The following MICAL2 variants were observed in gnomAD, a reference collection of about 807,000 sequenced individuals.
The protein encoded by MICAL2 is microtubule associated monooxygenase, calponin and LIM domain containing 2.
A neutral mutation model predicts 127.3 loss-of-function variants in MICAL2; 77 were observed. That is an observed-to-expected ratio of 0.60 (90% confidence interval 0.50 to 0.73). The LOEUF (loss-of-function observed/expected upper bound fraction) is 0.73. MICAL2 is among the 30% of genes least tolerant of loss of function. The probability of loss-of-function intolerance (pLI) is 0.00; values close to 1 mark genes in which losing one functional copy is unlikely to be tolerated. For missense variants in MICAL2, 1,351 were observed against 1,434.4 expected, an observed-to-expected ratio of 0.94 and a Z score of 0.94; for synonymous variants, 570 against 551.1, an observed-to-expected ratio of 1.03 and a Z score of -0.48.
At chr11:12,293,998 C>T (rs754429556), downstream of MICAL2, 2 of 1,614,170 alleles carry the variant, frequency 1.2e-6, no homozygotes, top group African/African-American at 2.7e-5. Flanking sequence ...AGCAGAAGAC[C>T]ATGTTGTTGG....
At chr11:12,205,000 G>C (rs950936162) in intron 4 of MICAL2, among the ~76,000 whole-genome samples, 6 of 152,160 alleles carry the variant, frequency 3.9e-5, no homozygotes, top group African/African-American at 1.4e-4. Flanking sequence ...GCAGGTTTTA[G>C]AGCAGAGGAA....
chr11:12,352,179 T>C (rs1488988457), intron 33 of MICAL2, among the ~76,000 whole-genome samples: 2 of 152,218 alleles, frequency 1.3e-5, no homozygotes, highest in African/African-American at 4.8e-5. Context: ...CCTTTTTATA[T>C]AGCTACTGTG....
intron 30 of MICAL2, among the ~76,000 whole-genome samples, chr11:12,320,241 A>G (rs1864277945): frequency 6.6e-6 from 1 of 152,206 alleles, no homozygotes; most frequent in South Asian, 2.1e-4. Context: ...GAAATGAACC[A>G]TGCAGTTGCA....
At position 12,216,270 on chromosome 11, in the gene MICAL2, T is replaced by C; in HGVS notation, c.899T>C (p.Val300Ala). Residue 300 changes from valine (V) to alanine (A), a missense_variant, in exon 8 of 28, where the codon GTA becomes GCA. Transcript: ENST00000683283. ...TACAAGGACTGCACCCACTATTTTG[T>C]AATGACAGCCAAGAAGCAGAGCCTG... ...VYYKDCTHYF[V>A]MTAKKQSLLD... is the part of the protein sequence containing the mutation. The C allele has an allele frequency of 6.2e-7, 1 of 1,614,084 alleles. No homozygotes were observed. The highest frequency in any genetic ancestry group is 1.1e-5 in the South Asian group (1 of 91,080).
chr11:12,301,091 T>C (rs1211285223), intron 29 of MICAL2, among the ~76,000 whole-genome samples: 2 of 151,844 alleles, frequency 1.3e-5, no homozygotes, highest in African/African-American at 4.8e-5. Context: ...CAAGAGAAAA[T>C]GAGGAAGATG....
chr11:12,207,987 T>A, intron 4 of MICAL2, 36 bp from the exon 5 acceptor site: 1 of 1,508,156 alleles, frequency 6.6e-7, no homozygotes. Context: ...GTTCAGGTAT[T>A]GCTGTGACAG....
At chr11:12,282,888 C>CA (rs879682458) in intron 2 of MICAL2, among the ~76,000 whole-genome samples, 53 of 152,146 alleles carry the variant, frequency 3.5e-4, no homozygotes, top group South Asian at 2.7e-3. Flanking sequence ...GAGGGCATGA[C>CA]AAAAAAACAT....
At chr11:12,209,654 A>G in intron 6 of MICAL2, 56 bp downstream of exon 6, 2 of 1,476,580 alleles carry the variant, frequency 1.4e-6, no homozygotes, top group African/African-American at 1.4e-5. Flanking sequence ...GAGAGGGTAC[A>G]TTGGGGAAGA....
intron 4 of MICAL2, 106 bp from the exon 5 acceptor site, chr11:12,207,917 C>T: frequency 1.2e-6 from 1 of 836,850 alleles, no homozygotes; most frequent in South Asian, 1.5e-5. Flanking sequence ...TGTTGGTATA[C>T]TGCTGTGCTC....
intron 32 of MICAL2, among the ~76,000 whole-genome samples, chr11:12,344,182 G>A (rs1447163058): frequency 6.6e-6 from 1 of 152,014 alleles, no homozygotes. Flanking sequence ...TCTAATCCCA[G>A]CTACTCAGGA....
Position 12,129,874 on chromosome 11 carries a change from A to T in MICAL2, c.-148-8516A>T, listed in dbSNP as rs565578152. 3.3e-5 allele frequency among the ~76,000 whole-genome samples: 5 copies of T among 150,944 alleles called. No homozygotes were observed. In the East Asian group the frequency reaches 9.7e-4, roughly 29 times the overall value. ...AGGTGCACGCCACCATGCCTGGCTA[A>T]TTTTTTCTTTTGTTTTTAGTTGAGA... On this transcript the variant is annotated intron_variant, in intron 1 of 27. Coordinates refer to ENST00000683283, the MANE Select transcript of MICAL2 (RefSeq NM_001282663.2).
intron 3 of MICAL2, among the ~76,000 whole-genome samples, chr11:12,195,429 T>TA (rs1859768003): frequency 6.6e-6 from 1 of 152,192 alleles, no homozygotes; most frequent in African/African-American, 2.4e-5. Context: ...TGTGAATAGA[T>TA]ACATGCTAAA....
intron 32 of MICAL2, among the ~76,000 whole-genome samples, chr11:12,336,461 T>A (rs1938762692): frequency 6.6e-6 from 1 of 152,214 alleles, no homozygotes; most frequent in African/African-American, 2.4e-5. Flanking sequence ...TCCTGCCTGA[T>A]TGCCCTGACC....
intron 2 of MICAL2, among the ~76,000 whole-genome samples, chr11:12,155,436 AT>A (rs1342072933): frequency 6.6e-6 from 1 of 152,198 alleles, no homozygotes; most frequent in Non-Finnish European, 1.5e-5. Flanking sequence ...AAACATGCAT[AT>A]ATACACACAT....
chr11:12,361,056 G>C (rs945657986), downstream of MICAL2, among the ~76,000 whole-genome samples: 4 of 152,164 alleles, frequency 2.6e-5, no homozygotes, highest in Non-Finnish European at 4.4e-5. Context: ...AAAACACACA[G>C]AGTCTGCAGT....
At chr11:12,136,120 G>A (rs973637595) in intron 1 of MICAL2, among the ~76,000 whole-genome samples, 1 of 152,044 alleles carries the variant, frequency 6.6e-6, no homozygotes, top group Non-Finnish European at 1.5e-5. Flanking sequence ...AATCTCACAG[G>A]AAACCTTCCC....
Position 12,220,205 on chromosome 11 carries a change from A to G in MICAL2, c.953A>G (p.Tyr318Cys), listed in dbSNP as rs753385543. 5 of 1,614,148 alleles carry G rather than the reference A, an allele frequency of 3.1e-6. No homozygotes were observed. The highest frequency in any genetic ancestry group is 3.4e-6 in the Non-Finnish European group (4 of 1,180,014). ...CCATGTTTTCATCTTCCCCAGGACT[A>G]CATCGACACAGAGATGCTGCTGTGT... ...LLDKGVIIND[Y>C]IDTEMLLCAE... Residue 318 changes from tyrosine (Y) to cysteine (C), a missense_variant, in exon 9 of 28, where the codon TAC becomes TGC. Tyr to Cys is a radical substitution (Grantham distance 194, BLOSUM62 -2). Coordinates refer to ENST00000683283, the MANE Select transcript of MICAL2 (RefSeq NM_001282663.2).
intron 3 of MICAL2, 44 bp from the exon 4 acceptor site, chr11:12,204,206 T>G: frequency 6.3e-7 from 1 of 1,577,782 alleles, no homozygotes; most frequent in Non-Finnish European, 8.7e-7. Flanking sequence ...GTGTCTGTGA[T>G]GCTAGAGGTT....
chr11:12,126,170 A>G (rs1305659195), intron 1 of MICAL2, among the ~76,000 whole-genome samples: 1 of 152,172 alleles, frequency 6.6e-6, no homozygotes, highest in Admixed American at 6.5e-5. Context: ...GTAAACTGTA[A>G]TCTCGGTTTA....
Sources: allele counts gnomAD v4.1 joint callset (sites outside exome capture counted in the v4.1 genomes callset), GRCh38; gene constraint gnomAD v4.1.1; transcripts MANE v1.5; gene names NCBI Gene and HGNC (gene_info 2026-07-23, HGNC 2026-07-21).